TAS2R1: variants seen among roughly 807,000 people sequenced by gnomAD.
The protein encoded by TAS2R1 is taste 2 receptor member 1.
For synonymous variants in TAS2R1, 141 were observed against 134.2 expected (o/e 1.05, Z -0.35); for missense variants, 370 against 353.4 (o/e 1.05, Z -0.38).
chr5:9,859,759 C>T, the TAS2R1 span, among the ~76,000 whole-genome samples: 1 of 152,286 alleles, frequency 6.6e-6, no homozygotes, highest in East Asian at 1.9e-4. Context: ...CATGCTTCAA[C>T]AACAGGATCC....
the TAS2R1 span, among the ~76,000 whole-genome samples, chr5:9,850,955 C>T: frequency 6.6e-6 from 1 of 152,160 alleles, no homozygotes; most frequent in African/African-American, 2.4e-5. Context: ...AGAGAACATT[C>T]TGTTTCCCTT....
the TAS2R1 span, among the ~76,000 whole-genome samples, chr5:9,805,388 C>A: frequency 1.6e-4 from 25 of 152,186 alleles, no homozygotes; most frequent in Middle Eastern, 3.4e-3. Flanking sequence ...CTCCCTAAAT[C>A]ATTCAATGAA....
At chr5:9,726,414 A>G in the TAS2R1 span, among the ~76,000 whole-genome samples, 1 of 152,216 alleles carries the variant, frequency 6.6e-6, no homozygotes, top group Admixed American at 6.5e-5. Context: ...TAAGAGAATA[A>G]AAGCAGGTTG....
chr5:9,646,828 C>T (rs1740198276), intron 2 of TAS2R1, among the ~76,000 whole-genome samples: 1 of 152,058 alleles, frequency 6.6e-6, no homozygotes, highest in Admixed American at 6.5e-5. Flanking sequence ...CTCTTGCACC[C>T]AGGAATAGAC....
intron 2 of TAS2R1, among the ~76,000 whole-genome samples, chr5:9,648,726 T>C (rs1000299896): frequency 1.3e-5 from 2 of 152,122 alleles, no homozygotes; most frequent in Non-Finnish European, 2.9e-5. Context: ...GACTCTATAC[T>C]AACAATCTTG....
upstream of TAS2R1, among the ~76,000 whole-genome samples, chr5:9,631,423 A>G (rs1189665838): frequency 1.3e-5 from 2 of 152,154 alleles, no homozygotes; most frequent in African/African-American, 4.8e-5. Flanking sequence ...AAAATTTTTC[A>G]TAGATATGGA....
chr5:9,736,151 C>T, the TAS2R1 span, among the ~76,000 whole-genome samples: 6 of 152,220 alleles, frequency 3.9e-5, no homozygotes, highest in African/African-American at 1.2e-4. Context: ...CAGTGTTTTA[C>T]ACAGGTTTTA....
chr5:9,834,535 G>C, the TAS2R1 span, among the ~76,000 whole-genome samples: 1 of 152,058 alleles, frequency 6.6e-6, no homozygotes, highest in African/African-American at 2.4e-5. Flanking sequence ...CACACCTATG[G>C]AGAAAAGTTT....
chr5:9,638,595 C>A (rs1740012218), intron 2 of TAS2R1, among the ~76,000 whole-genome samples: 1 of 152,148 alleles, frequency 6.6e-6, no homozygotes, highest in Non-Finnish European at 1.5e-5. Context: ...GCACCAGCTG[C>A]AGTAGTAGCA....
At chr5:9,711,398 G>A (rs554429478) in intron 1 of TAS2R1, among the ~76,000 whole-genome samples, 3 of 152,108 alleles carry the variant, frequency 2.0e-5, no homozygotes, top group South Asian at 2.1e-4. Context: ...TTTACTAAAC[G>A]AAATAAGTCA....
In TAS2R1 at chr5:9,696,918, C is replaced by A. The variant is rs1396080159; in HGVS notation, c.-242+15254G>T. Among the ~76,000 whole-genome samples, 7 of 152,172 alleles carry A rather than the reference C, an allele frequency of 4.6e-5. No homozygotes were observed. The East Asian group carries it at 1.4e-3, about 29-fold the overall frequency. On this transcript the variant is annotated intron_variant, in intron 1 of 2. Coordinates refer to the TAS2R1 transcript ENST00000506620. ...ATCCCAGCTACTTGGGAGGCTGAGG[C>A]AGGAGAATTGCTTGAACCTGGGAGG...
chr5:9,787,128 T>C, the TAS2R1 span, among the ~76,000 whole-genome samples: 2 of 152,174 alleles, frequency 1.3e-5, no homozygotes, highest in Non-Finnish European at 2.9e-5. Flanking sequence ...TCCCATCACC[T>C]AGCCAGGTGA....
chr5:9,840,857 ATTTTTTTTTT>A, the TAS2R1 span, among the ~76,000 whole-genome samples: 854 of 132,078 alleles, frequency 6.5e-3, 15 homozygotes, highest in African/African-American at 0.023. Flanking sequence ...TTATTTATTT[ATTTTTTTTTT>A]TTTTTTTTTT....
the TAS2R1 span, chr5:9,863,258 C>A: frequency 6.6e-6 from 1 of 150,758 alleles, no homozygotes; most frequent in African/African-American, 2.5e-5. Flanking sequence ...CGGCTGAGAC[C>A]CAAAGATTTT....
the TAS2R1 span, among the ~76,000 whole-genome samples, chr5:9,789,148 G>A: frequency 6.6e-6 from 1 of 152,098 alleles, no homozygotes; most frequent in African/African-American, 2.4e-5. Flanking sequence ...ACCATCCAAA[G>A]GAGGAAAACG....
the TAS2R1 span, chr5:9,760,953 G>A: frequency 1.3e-5 from 2 of 152,170 alleles, no homozygotes; most frequent in African/African-American, 2.4e-5. Context: ...GTCGATCTCC[G>A]AAGCTAAGCA....
At chr5:9,738,998 T>TA in the TAS2R1 span, among the ~76,000 whole-genome samples, 1 of 152,228 alleles carries the variant, frequency 6.6e-6, no homozygotes, top group South Asian at 2.1e-4. Context: ...TTAATTCAGT[T>TA]AAAAAAATAA....
upstream of TAS2R1, among the ~76,000 whole-genome samples, chr5:9,631,927 G>A (rs1032538335): frequency 3.5e-4 from 54 of 152,286 alleles, 1 homozygote; most frequent in African/African-American, 1.3e-3. Flanking sequence ...ACCAAGGGAG[G>A]TGTTCATGAG....
At chr5:9,842,316 C>CTTTT in the TAS2R1 span, among the ~76,000 whole-genome samples, 219 of 116,080 alleles carry the variant, frequency 1.9e-3, no homozygotes, top group African/African-American at 2.3e-3. Context: ...TTCTTTCTCT[C>CTTTT]TTTTTTTTTT....
Sources: gnomAD v4.1 joint callset for allele counts (sites outside exome capture counted in the v4.1 genomes callset) on GRCh38, gnomAD v4.1.1 for gene constraint, MANE v1.5 for transcripts, NCBI Gene and HGNC (gene_info 2026-07-23, HGNC 2026-07-21) for gene names.